Variants in ZFPM2 observed in about 807,000 individuals in gnomAD.
The protein encoded by ZFPM2 is zinc finger protein, FOG family member 2, also known as zinc finger protein ZFPM2.
ZFPM2 carries 20 observed loss-of-function variants against 98.6 expected under a neutral mutation model. The observed-to-expected ratio is 0.20, with a 90% confidence interval of 0.14 to 0.29. ZFPM2 has a LOEUF of 0.29. ZFPM2 is among the 10% of genes least tolerant of loss of function. ZFPM2 has a pLI of 1.00. For missense variants in ZFPM2, 1,310 were observed against 1,388.6 expected, an observed-to-expected ratio of 0.94 and a Z score of 0.90; for synonymous variants, 518 against 502.7, an observed-to-expected ratio of 1.03 and a Z score of -0.41.
chr8:105,528,713 A>G (rs761755030), intron 3 of ZFPM2, among the ~76,000 whole-genome samples: 23 of 152,140 alleles, frequency 1.5e-4, no homozygotes, highest in Non-Finnish European at 2.9e-4. Context: ...TGAATTTGAG[A>G]CTATTATACT....
chr8:105,602,202 A>T (rs939477653), intron 4 of ZFPM2, among the ~76,000 whole-genome samples: 14 of 152,078 alleles, frequency 9.2e-5, no homozygotes, highest in African/African-American at 3.1e-4. Flanking sequence ...TAGAGAAGTG[A>T]TTTTCAGAAA....
intron 5 of ZFPM2, among the ~76,000 whole-genome samples, chr8:105,687,363 AT>A (rs1810764745): frequency 6.6e-6 from 1 of 152,210 alleles, no homozygotes; most frequent in Non-Finnish European, 1.5e-5. Context: ...AAAACTATAC[AT>A]TTGTAAGAGA....
chr8:105,765,779 T>C (rs1428341040), intron 5 of ZFPM2, among the ~76,000 whole-genome samples: 1 of 151,960 alleles, frequency 6.6e-6, no homozygotes, highest in Non-Finnish European at 1.5e-5. Context: ...AATAAGTTAA[T>C]ATGCTCTTTA....
chr8:105,787,427 A>AGAT (rs1270979258), intron 5 of ZFPM2: 1 of 152,204 alleles, frequency 6.6e-6, no homozygotes, highest in Non-Finnish European at 1.5e-5. Context: ...ATACTCTCAC[A>AGAT]GATGGTGTTT....
At chr8:105,394,055 G>A (rs1303825472) in intron 1 of ZFPM2, among the ~76,000 whole-genome samples, 7 of 151,810 alleles carry the variant, frequency 4.6e-5, no homozygotes, top group Admixed American at 6.6e-5. Context: ...CACCATGCCC[G>A]GCTAATTTTT....
chr8:105,640,751 G>A (rs1423990493), intron 5 of ZFPM2, among the ~76,000 whole-genome samples: 1 of 151,962 alleles, frequency 6.6e-6, no homozygotes, highest in Admixed American at 6.6e-5. Flanking sequence ...TCAAACAATA[G>A]CTTTGTCTAA....
chr8:105,635,032 C>A (rs1278170978), intron 5 of ZFPM2, among the ~76,000 whole-genome samples: 1 of 152,184 alleles, frequency 6.6e-6, no homozygotes, highest in Non-Finnish European at 1.5e-5. Flanking sequence ...TAGCACAGGA[C>A]CTTCCTCACG....
chr8:105,663,901 G>T, intron 5 of ZFPM2, among the ~76,000 whole-genome samples: 1 of 152,198 alleles, frequency 6.6e-6, no homozygotes. Context: ...GTAATTATGA[G>T]AAATTGGGAG....
At chr8:105,550,872 A>G (rs1814836027) in intron 3 of ZFPM2, among the ~76,000 whole-genome samples, 1 of 152,174 alleles carries the variant, frequency 6.6e-6, no homozygotes, top group Admixed American at 6.6e-5. Context: ...CTGAAAACAC[A>G]GAGTGTCAAG....
At chr8:105,777,792 A>G (rs1442322) in intron 5 of ZFPM2, among the ~76,000 whole-genome samples, 1 of 152,308 alleles carries the variant, frequency 6.6e-6, no homozygotes, top group South Asian at 2.1e-4. Flanking sequence ...TAAATAAACA[A>G]GTGGATAGAT....
chr8:105,803,684 C>G lies in ZFPM2; in HGVS notation c.*146C>G. On this transcript the variant is annotated 3_prime_UTR_variant, in exon 8 of 8. Transcript: ENST00000407775. ...GAGTTGAAGACTTAAGGTGTAATTT[C>G]ATTACAGTCCATTAGTAAAGTGTAT... is the stretch of plus-strand genomic sequence containing the variant. The G allele has an allele frequency of 1.4e-6, 1 of 729,338 alleles. No homozygotes were observed. Among genetic ancestry groups the G allele is most frequent in the South Asian group, 2.0e-5 (1 of 50,900 alleles). The allele number at this position is 729,338 out of a possible 1,614,324, so 45.2% of individuals were successfully genotyped here.
intron 3 of ZFPM2, among the ~76,000 whole-genome samples, chr8:105,447,958 A>C (rs1311595814): frequency 6.6e-6 from 1 of 152,114 alleles, no homozygotes; most frequent in Non-Finnish European, 1.5e-5. Context: ...AGCTGTTATG[A>C]TTAAGTGGAA....
chr8:105,748,030 G>A (rs544655780), intron 5 of ZFPM2, among the ~76,000 whole-genome samples: 2 of 151,926 alleles, frequency 1.3e-5, no homozygotes, highest in Non-Finnish European at 2.9e-5. Flanking sequence ...TTCCATTGTT[G>A]ACCATAATGT....
chr8:105,765,035 G>A (rs1203275147), intron 5 of ZFPM2, among the ~76,000 whole-genome samples: 1 of 151,700 alleles, frequency 6.6e-6, no homozygotes, highest in African/African-American at 2.4e-5. Context: ...TTAGATTTCA[G>A]GACCACGTGG....
chr8:105,644,817 C>G (rs1817012216), intron 5 of ZFPM2, among the ~76,000 whole-genome samples: 1 of 152,086 alleles, frequency 6.6e-6, no homozygotes, highest in Admixed American at 6.6e-5. Context: ...TGCTTTTCTT[C>G]TTATGTGTAC....
intron 1 of ZFPM2, among the ~76,000 whole-genome samples, chr8:105,409,845 A>G (rs959492616): frequency 6.6e-6 from 1 of 151,806 alleles, no homozygotes; most frequent in Non-Finnish European, 1.5e-5. Context: ...TGCCTTTCTA[A>G]CAAGTTACCA....
intron 4 of ZFPM2, among the ~76,000 whole-genome samples, chr8:105,608,580 G>GT (rs397978197): frequency 0.064 from 6,984 of 108,630 alleles, 365 homozygotes; most frequent in African/African-American, 0.12. Context: ...AACACCAAGA[G>GT]TTTTTTTTTT....
intron 1 of ZFPM2, among the ~76,000 whole-genome samples, chr8:105,389,579 G>T (rs1403014575): frequency 6.6e-6 from 1 of 152,180 alleles, no homozygotes; most frequent in African/African-American, 2.4e-5. Context: ...ACAATGAAGA[G>T]ATTGGGAACC....
Position 105,590,762 on chromosome 8 carries a change from GCACACACA to G in ZFPM2, c.420+29298_420+29305del, listed in dbSNP as rs71305167. ...CAAGTGCATGTGCATACGTGCGCAC[GCACACACA>G]CACACACACACACACAGAGTCAGTG... On this transcript the variant is annotated intron_variant, in intron 4 of 7. Coordinates refer to ENST00000407775, the MANE Select transcript of ZFPM2 (RefSeq NM_012082.4). Among the ~76,000 whole-genome samples the G allele has an allele frequency of 2.0e-3, 304 of 149,922 alleles. 1 individual carries two copies. The highest frequency in any genetic ancestry group is 3.4e-3 in the Middle Eastern group (1 of 290).
Sources: gnomAD v4.1 joint callset for allele counts (sites outside exome capture counted in the v4.1 genomes callset) on GRCh38, gnomAD v4.1.1 for gene constraint, MANE v1.5 for transcripts, NCBI Gene and HGNC (gene_info 2026-07-23, HGNC 2026-07-21) for gene names.